The following MAGI1 variants were observed in gnomAD, a reference collection of about 807,000 sequenced individuals.
MAGI1 encodes the protein membrane associated guanylate kinase, WW and PDZ domain containing 1.
MAGI1 carries 58 observed loss-of-function variants against 139.9 expected under a neutral mutation model. The ratio of observed to expected loss-of-function variants is 0.41; its 90% confidence interval spans 0.34 to 0.52. The LOEUF (loss-of-function observed/expected upper bound fraction) is 0.52. Ranked by LOEUF, MAGI1 falls within the 20% of genes least tolerant of loss-of-function variation. The pLI is 0.12. For synonymous variants in MAGI1, 812 were observed against 737.9 expected (o/e 1.10, Z -1.63); for missense variants, 1,874 against 1,901.6 (o/e 0.99, Z 0.27).
intron 1 of MAGI1, among the ~76,000 whole-genome samples, chr3:65,932,682 A>G (rs564837155): frequency 6.6e-6 from 1 of 152,326 alleles, no homozygotes; most frequent in East Asian, 1.9e-4. Context: ...ATATAATAAG[A>G]GAGCCAAAGG....
chr3:65,559,485 A>T (rs2080237240), intron 2 of MAGI1, among the ~76,000 whole-genome samples: 1 of 152,184 alleles, frequency 6.6e-6, no homozygotes, highest in Non-Finnish European at 1.5e-5. Flanking sequence ...ATTACTTTAA[A>T]TTTTTTAATT....
intron 2 of MAGI1, among the ~76,000 whole-genome samples, chr3:65,556,334 T>G (rs1268665696): frequency 6.6e-6 from 1 of 152,244 alleles, no homozygotes; most frequent in Non-Finnish European, 1.5e-5. Flanking sequence ...TTTTGTCGCT[T>G]AGACTAGAAT....
rs72906952 is a variant in MAGI1 at position 65,921,378 on chromosome 3, A to G, written c.313+116618T>C. Reference sequence around the variant, plus strand: ...GCTGGAGTGCAGGGGGCACAATCTCAGCTTACTGCAATCTCTGTGTCCCGG... The same window carrying G: ...GCTGGAGTGCAGGGGGCACAATCTCGGCTTACTGCAATCTCTGTGTCCCGG... On this transcript the variant is annotated intron_variant, in intron 1 of 22. Transcript: ENST00000402939. 5.9e-3 allele frequency among the ~76,000 whole-genome samples: 887 copies of G among 150,976 alleles called. 4 individuals are homozygous for G. The highest frequency in any genetic ancestry group is 0.02 in the African/African-American group (838 of 41,040).
chr3:65,823,230 C>A (rs141407742), intron 1 of MAGI1, among the ~76,000 whole-genome samples: 21 of 152,104 alleles, frequency 1.4e-4, no homozygotes, highest in African/African-American at 5.1e-4. Flanking sequence ...AGCTAGTGGG[C>A]CTGGACAGAA....
intron 1 of MAGI1, among the ~76,000 whole-genome samples, chr3:65,963,763 C>A (rs2064592443): frequency 6.6e-6 from 1 of 152,146 alleles, no homozygotes. Context: ...CACAACACTC[C>A]CAAAACAGGA....
At chr3:65,895,016 C>T (rs1048877066) in intron 1 of MAGI1, among the ~76,000 whole-genome samples, 7 of 152,144 alleles carry the variant, frequency 4.6e-5, no homozygotes, top group Admixed American at 1.3e-4. Flanking sequence ...TGGTTGGAAA[C>T]GGAGGTGCTA....
At chr3:65,990,078 A>G (rs1004547061) in intron 1 of MAGI1, among the ~76,000 whole-genome samples, 3 of 152,162 alleles carry the variant, frequency 2.0e-5, no homozygotes, top group Non-Finnish European at 2.9e-5. Flanking sequence ...TGATGATGAT[A>G]ATGAAGAGGA....
intron 1 of MAGI1, among the ~76,000 whole-genome samples, chr3:66,032,042 T>C (rs1175953272): frequency 1.3e-5 from 2 of 152,182 alleles, no homozygotes; most frequent in African/African-American, 2.4e-5. Flanking sequence ...AGCCTGCTAA[T>C]TGGAAGATCT....
chr3:65,963,755 C>T (rs1560061130), intron 1 of MAGI1, among the ~76,000 whole-genome samples: 1 of 150,308 alleles, frequency 6.7e-6, no homozygotes, highest in Non-Finnish European at 1.5e-5. Context: ...TGAAATCGCA[C>T]AACACTCCCA....
At chr3:65,843,926 A>G (rs983186332) in intron 1 of MAGI1, 1 of 211,902 alleles carries the variant, frequency 4.7e-6, no homozygotes, top group South Asian at 6.8e-5. Context: ...AACCCCCACA[A>G]AAAGCATGCA....
chr3:65,768,028 C>G (rs545779796), intron 1 of MAGI1, among the ~76,000 whole-genome samples: 2 of 152,154 alleles, frequency 1.3e-5, no homozygotes, highest in Non-Finnish European at 2.9e-5. Flanking sequence ...CAAATAAGAT[C>G]TTTAAACTTA....
At chr3:65,784,078 G>A (rs1438142551) in intron 1 of MAGI1, among the ~76,000 whole-genome samples, 1 of 151,872 alleles carries the variant, frequency 6.6e-6, no homozygotes, top group Admixed American at 6.6e-5. Flanking sequence ...ACCTGAGATT[G>A]TGCCATTGCA....
chr3:65,537,018 TG>T (rs2078991476), intron 2 of MAGI1, among the ~76,000 whole-genome samples: 1 of 152,192 alleles, frequency 6.6e-6, no homozygotes, highest in Non-Finnish European at 1.5e-5. Flanking sequence ...CTTCTGGCTA[TG>T]ACAATGGAAT....
At chr3:66,024,624 T>C (rs577553470) in intron 1 of MAGI1, among the ~76,000 whole-genome samples, 7 of 152,170 alleles carry the variant, frequency 4.6e-5, no homozygotes, top group African/African-American at 1.7e-4. Context: ...CTGGCCAACA[T>C]GGTGAAACCC....
At chr3:65,919,070 T>C (rs948565105) in intron 1 of MAGI1, among the ~76,000 whole-genome samples, 7 of 152,206 alleles carry the variant, frequency 4.6e-5, no homozygotes, top group Non-Finnish European at 7.3e-5. Flanking sequence ...ATGGTTAACA[T>C]TGATCTGTGA....
intron 1 of MAGI1, among the ~76,000 whole-genome samples, chr3:65,668,033 A>G (rs984439664): frequency 6.6e-6 from 1 of 152,152 alleles, no homozygotes; most frequent in Non-Finnish European, 1.5e-5. Flanking sequence ...TTTCTGAGAG[A>G]TAATAGTATA....
chr3:65,748,553 A>G (rs1261292752), intron 1 of MAGI1, among the ~76,000 whole-genome samples: 1 of 152,226 alleles, frequency 6.6e-6, no homozygotes, highest in Non-Finnish European at 1.5e-5. Context: ...GTATTGCAAC[A>G]CAGTGAGGGG....
At chr3:65,707,352 C>T (rs1025454042) in intron 1 of MAGI1, among the ~76,000 whole-genome samples, 1 of 152,192 alleles carries the variant, frequency 6.6e-6, no homozygotes, top group Non-Finnish European at 1.5e-5. Context: ...TGGCTCACAC[C>T]TGTAATCCCA....
chr3:65,529,130 A>T (rs79288377), intron 2 of MAGI1, among the ~76,000 whole-genome samples: 8 of 151,032 alleles, frequency 5.3e-5, no homozygotes, highest in African/African-American at 1.2e-4. Context: ...TTTTTTTAAA[A>T]TAAAAAAAAA....
Sources: gnomAD v4.1 joint callset for allele counts (sites outside exome capture counted in the v4.1 genomes callset) on GRCh38, gnomAD v4.1.1 for gene constraint, MANE v1.5 for transcripts, NCBI Gene and HGNC (gene_info 2026-07-23, HGNC 2026-07-21) for gene names.